The following PTPN13 variants were observed in gnomAD, a reference collection of about 807,000 sequenced individuals.
The protein encoded by PTPN13 is protein tyrosine phosphatase non-receptor type 13, also known as tyrosine-protein phosphatase non-receptor type 13.
A neutral mutation model predicts 284.0 loss-of-function variants in PTPN13; 191 were observed. The ratio of observed to expected loss-of-function variants is 0.67; its 90% CI spans 0.60 to 0.76. The LOEUF (loss-of-function observed/expected upper bound fraction) is 0.76, where lower values mean the gene tolerates loss of function less well. Ranked by LOEUF, PTPN13 falls within the 30% of genes least tolerant of loss-of-function variation. The pLI, the probability that PTPN13 is intolerant of heterozygous loss-of-function variation, is 0.00. For synonymous variants in PTPN13, 986 were observed against 1,022.3 expected (o/e 0.96, Z 0.68); for missense variants, 2,797 against 2,939.9 (o/e 0.95, Z 1.12).
At chr4:86,749,141 C>G (rs1737113020) in intron 17 of PTPN13, among the ~76,000 whole-genome samples, 1 of 152,126 alleles carries the variant, frequency 6.6e-6, no homozygotes, top group South Asian at 2.1e-4. Flanking sequence ...TTTCCTACCT[C>G]TTTATGCCTG....
At chr4:86,595,048 G>A (rs1171988823) in intron 1 of PTPN13, among the ~76,000 whole-genome samples, 1 of 152,134 alleles carries the variant, frequency 6.6e-6, no homozygotes, top group East Asian at 1.9e-4. Context: ...TCTCCTCTGC[G>A]GAAGAAAGCC....
intron 37 of PTPN13, among the ~76,000 whole-genome samples, chr4:86,783,522 TG>T (rs1007979282): frequency 1.3e-4 from 20 of 152,230 alleles, no homozygotes; most frequent in African/African-American, 4.3e-4. Flanking sequence ...ATTTTTTGGT[TG>T]GAGTTAAAAT....
chr4:86,799,280 A>T, intron 42 of PTPN13, 76 bp downstream of exon 42: 1 of 839,674 alleles, frequency 1.2e-6, no homozygotes, highest in Non-Finnish European at 1.8e-6. Context: ...TTCAGACTAT[A>T]TGGATATGCT....
intron 2 of PTPN13, among the ~76,000 whole-genome samples, chr4:86,648,815 C>T (rs2148795722): frequency 6.6e-6 from 1 of 152,234 alleles, no homozygotes; most frequent in East Asian, 1.9e-4. Context: ...TACTATTCTC[C>T]ATAGTGGCTG....
chr4:86,798,433 A>C (rs1275799324), intron 41 of PTPN13, among the ~76,000 whole-genome samples: 1 of 152,228 alleles, frequency 6.6e-6, no homozygotes, highest in Non-Finnish European at 1.5e-5. Flanking sequence ...ATGTCATCAG[A>C]TGAAAGTACT....
intron 2 of PTPN13, among the ~76,000 whole-genome samples, chr4:86,642,025 G>T (rs188320253): frequency 1.3e-5 from 2 of 152,052 alleles, no homozygotes; most frequent in East Asian, 3.9e-4. Flanking sequence ...ACATATTTTC[G>T]CAATTTTGTG....
At chr4:86,595,559 T>C (rs1045721459) in intron 1 of PTPN13, 2 of 153,880 alleles carry the variant, frequency 1.3e-5, no homozygotes, top group South Asian at 2.1e-4. Flanking sequence ...ACAGTTTTCA[T>C]TGGCCATACA....
chr4:86,637,809 A>G (rs1473247705), intron 2 of PTPN13, among the ~76,000 whole-genome samples: 1 of 143,220 alleles, frequency 7.0e-6, no homozygotes, highest in Non-Finnish European at 1.5e-5. Flanking sequence ...TATTCAACAT[A>G]GTGTTGGAAG....
rs542309186 is a variant in PTPN13 at position 86,722,233 on chromosome 4, T to C, written c.1407T>C (p.Phe469=). ...QRPSRQYETP[F]EGNLINQEIM... Reference sequence around the variant, plus strand: ...ATAGCAGACAATATGAAACACCCTTTGAAGGCAACTTAATTAATCAAGAGA... The same window carrying C: ...ATAGCAGACAATATGAAACACCCTTCGAAGGCAACTTAATTAATCAAGAGA... The change falls in exon 10 of 48, where the codon TTT becomes TTC. Residue 469 remains phenylalanine, a synonymous_variant. Coordinates refer to ENST00000411767, the MANE Select transcript of PTPN13 (RefSeq NM_080683.3). 12 of 1,613,600 alleles carry C rather than the reference T, an allele frequency of 7.4e-6. No individual in the cohort carries two copies. The highest frequency in any genetic ancestry group is 6.7e-5 in the African/African-American group (5 of 75,028).
chr4:86,642,808 A>G (rs571990378), intron 2 of PTPN13, among the ~76,000 whole-genome samples: 1 of 152,066 alleles, frequency 6.6e-6, no homozygotes, highest in Non-Finnish European at 1.5e-5. Flanking sequence ...AAAAACATAT[A>G]TACATTTAAG....
intron 40 of PTPN13, among the ~76,000 whole-genome samples, chr4:86,789,368 C>T (rs1432212339): frequency 6.6e-6 from 1 of 152,168 alleles, no homozygotes; most frequent in African/African-American, 2.4e-5. Context: ...GATAATCCTG[C>T]TTGACTGGTT....
chr4:86,785,232 A>G lies in PTPN13; in HGVS notation c.6120A>G (p.Glu2040=), dbSNP rs751343186. Residue 2040 remains glutamate (E), a splice_region_variant and synonymous_variant, in exon 39 of 48, where the codon GAA becomes GAG. Coordinates refer to ENST00000411767, the MANE Select transcript of PTPN13 (RefSeq NM_080683.3). ...KGSPNLTLPK[E]SYIQEDDIYD... ...CCATGTAAATTATTATTTTTCAAGA[A>G]TCTTATATACAAGAAGATGACATTT... The G allele has an allele frequency of 2.0e-5, 31 of 1,523,686 alleles. No homozygotes were observed. Among genetic ancestry groups the G allele is most frequent in the Non-Finnish European group, 2.5e-5 (28 of 1,116,418 alleles). The allele number at this position is 1,523,686 out of a possible 1,614,324, so 94.4% of individuals were successfully genotyped here.
intron 1 of PTPN13, among the ~76,000 whole-genome samples, chr4:86,632,214 G>A (rs1334575683): frequency 6.6e-6 from 1 of 152,078 alleles, no homozygotes; most frequent in Non-Finnish European, 1.5e-5. Context: ...TCCATTCAGA[G>A]CTAAAACTTT....
In PTPN13 at chr4:86,693,566, T is replaced by C. The variant is rs1297388953; in HGVS notation, c.547-21T>C. 4.8e-6 allele frequency: 7 copies of C among 1,452,126 alleles called. No homozygotes were observed. The Admixed American group carries it at 9.4e-5, about 19-fold the overall frequency. The allele number at this position is 1,452,126 out of a possible 1,614,324, so 90.0% of individuals were successfully genotyped here. On this transcript the variant is annotated intron_variant, in intron 5 of 47. Transcript: ENST00000411767. ...AGGGAGATCCTTTTGTCAAACTTGATTTTTTATTACCTGTGTACAGACAGA... is the reference window on the plus strand; with the variant it reads ...AGGGAGATCCTTTTGTCAAACTTGACTTTTTATTACCTGTGTACAGACAGA...
chr4:86,775,649 C>A lies in PTPN13; in HGVS notation c.5888C>A (p.Thr1963Lys). ...CTTCCTTCATTGGTATTGAAAGCAACAAGGTACTCTGCAATTATTTATGAG... is the reference window on the plus strand; with the variant it reads ...CTTCCTTCATTGGTATTGAAAGCAAAAAGGTACTCTGCAATTATTTATGAG... ...MSLPSLVLKA[T>K]RNDLPVVPSS... is the part of the protein sequence containing the mutation. The change falls in exon 35 of 48, where the codon ACA becomes AAA. Residue 1963 changes from threonine (T) to lysine (K), a missense_variant. Physicochemically the swap from Thr to Lys is moderately conservative, Grantham distance 78. Transcript: ENST00000411767. 6.2e-7 allele frequency: 1 copy of A among 1,607,880 alleles called. No homozygotes were observed. The highest frequency in any genetic ancestry group is 8.5e-7 in the Non-Finnish European group (1 of 1,176,546).
chr4:86,616,391 A>G (rs1429079696), intron 1 of PTPN13, among the ~76,000 whole-genome samples: 4 of 152,278 alleles, frequency 2.6e-5, no homozygotes, highest in South Asian at 2.1e-4. Flanking sequence ...GAATTGATCA[A>G]TGAACTGAAT....
At chr4:86,738,019 G>T (rs1333557182) in intron 15 of PTPN13, among the ~76,000 whole-genome samples, 2 of 152,114 alleles carry the variant, frequency 1.3e-5, no homozygotes, top group Non-Finnish European at 2.9e-5. Context: ...GAGCTACTGT[G>T]CCTGGCCTAG....
chr4:86,623,842 C>T (rs1189495515), intron 1 of PTPN13, among the ~76,000 whole-genome samples: 4 of 152,132 alleles, frequency 2.6e-5, no homozygotes. Context: ...TTCTGACTTT[C>T]CTGCTATTCC....
chr4:86,740,014 T>C (rs923352446), intron 15 of PTPN13, among the ~76,000 whole-genome samples: 1 of 152,212 alleles, frequency 6.6e-6, no homozygotes, highest in Non-Finnish European at 1.5e-5. Context: ...CTTGGGCAGC[T>C]CTGCCCCTGT....
Sources: gnomAD v4.1 joint callset for allele counts (sites outside exome capture counted in the v4.1 genomes callset) on GRCh38, gnomAD v4.1.1 for gene constraint, MANE v1.5 for transcripts, NCBI Gene and HGNC (gene_info 2026-07-23, HGNC 2026-07-21) for gene names.